CDK12: variants seen among roughly 807,000 people sequenced by gnomAD.
The protein encoded by CDK12 is cyclin-dependent kinase 12.
In CDK12, 17 loss-of-function variants were observed where a neutral mutation model predicts 133.8. The observed-to-expected ratio is 0.13, with a 90% CI of 0.09 to 0.19. The LOEUF (loss-of-function observed/expected upper bound fraction) is 0.19, where lower values mean the gene tolerates loss of function less well. Among genes scored for constraint, CDK12 ranks in the 10% least tolerant of loss-of-function variants. The pLI is 1.00. For missense variants in CDK12, 1,508 were observed against 1,818.7 expected (o/e 0.83, Z 3.11); for synonymous variants, 694 against 683.6 (o/e 1.02, Z -0.24).
In CDK12 at chr17:39,517,480, G is replaced by A; in HGVS notation, c.2887G>A (p.Val963Ile). The A allele has an allele frequency of 6.2e-7, 1 of 1,613,808 alleles. No individual in the cohort carries two copies. The highest frequency in any genetic ancestry group is 8.5e-7 in the Non-Finnish European group (1 of 1,179,726). ...CCCTTGTCCAGCTGTGTGGCCTGATGTTATCAAACTGCCCTACTTCAACAC... is the reference window on the plus strand; with the variant it reads ...CCCTTGTCCAGCTGTGTGGCCTGATATTATCAAACTGCCCTACTTCAACAC... Reference protein sequence around the residue: ...GSPCPAVWPDVIKLPYFNTMK... With the variant: ...GSPCPAVWPDIIKLPYFNTMK... The change falls in exon 10 of 14, where the codon GTT (valine) becomes ATT (isoleucine). Residue 963 changes from valine (V) to isoleucine (I), a missense_variant. Coordinates refer to ENST00000447079, the MANE Select transcript of CDK12 (RefSeq NM_016507.4).
chr17:39,489,553 G>A (rs925393370), intron 2 of CDK12, among the ~76,000 whole-genome samples: 1 of 145,904 alleles, frequency 6.9e-6, no homozygotes, highest in Non-Finnish European at 1.5e-5. Context: ...TGCCTGGGCT[G>A]GAGTGCAGTG....
At chr17:39,479,307 T>TG (rs1222800410) in intron 2 of CDK12, among the ~76,000 whole-genome samples, 5 of 56,054 alleles carry the variant, frequency 8.9e-5, no homozygotes, top group African/African-American at 2.2e-4. Flanking sequence ...AGACTCCGTC[T>TG]GAAAAAAAAA....
At chr17:39,480,006 C>T (rs2050511593) in intron 2 of CDK12, among the ~76,000 whole-genome samples, 1 of 151,526 alleles carries the variant, frequency 6.6e-6, no homozygotes, top group East Asian at 1.9e-4. Flanking sequence ...TGACTGCAAC[C>T]TCCACTTCCT....
Position 39,499,198 on chromosome 17 carries a change from T to C in CDK12, c.2420-2052T>C, listed in dbSNP as rs1249092325. The stretch of plus-strand genomic sequence containing the variant: ...TTCTTTCTTTCTTTCTTTCTTTCTT[T>C]CTTTCTTTCCTTTTTTTTTTTTTTT... On this transcript the variant is annotated intron_variant, in intron 5 of 13. Transcript: ENST00000447079. Among the ~76,000 whole-genome samples, 2 of 52,598 alleles carry C rather than the reference T, an allele frequency of 3.8e-5. 1 individual carries two copies. Among genetic ancestry groups the C allele is most frequent in the Non-Finnish European group, 6.5e-5 (2 of 30,868 alleles). The allele number at this position is 52,598 out of a possible 152,430, so 34.5% of individuals were successfully genotyped here.
At chr17:39,560,006 AG>A (rs1322337106) in intron 3 of CDK12, among the ~76,000 whole-genome samples, 1 of 152,116 alleles carries the variant, frequency 6.6e-6, no homozygotes, top group Non-Finnish European at 1.5e-5. Flanking sequence ...TATGTTGCCC[AG>A]GGTGGTCTCA....
At chr17:39,464,221 G>T (rs1241706717) in intron 1 of CDK12, among the ~76,000 whole-genome samples, 2 of 151,530 alleles carry the variant, frequency 1.3e-5, no homozygotes, top group Non-Finnish European at 2.9e-5. Context: ...ATTCATGCAT[G>T]ACTTTTTTTT....
At chr17:39,502,595 G>A (rs765745676) in intron 6 of CDK12, among the ~76,000 whole-genome samples, 7 of 152,170 alleles carry the variant, frequency 4.6e-5, no homozygotes, top group Non-Finnish European at 8.8e-5. Flanking sequence ...GCTCACATGC[G>A]ACGATTGAAC....
At chr17:39,545,720 G>A (rs1332441011), upstream of CDK12, among the ~76,000 whole-genome samples, 11 of 150,862 alleles carry the variant, frequency 7.3e-5, no homozygotes, top group East Asian at 2.1e-3. Context: ...GGCTGGTCTT[G>A]AACTCCTGAC....
chr17:39,464,234 TTTGAAA>T (rs1309463704), intron 1 of CDK12, among the ~76,000 whole-genome samples: 1 of 151,986 alleles, frequency 6.6e-6, no homozygotes, highest in African/African-American at 2.4e-5. Flanking sequence ...TTTTTTTTTT[TTTGAAA>T]GACAAGATCT....
downstream of CDK12, among the ~76,000 whole-genome samples, chr17:39,536,278 T>C (rs2055131725): frequency 6.6e-6 from 1 of 152,182 alleles, no homozygotes; most frequent in Admixed American, 6.5e-5. Context: ...CCCTACCAGG[T>C]ATTTAGAGTT....
chr17:39,468,695 G>A (rs1282200683), intron 1 of CDK12, among the ~76,000 whole-genome samples: 5 of 151,806 alleles, frequency 3.3e-5, no homozygotes, highest in South Asian at 2.1e-4. Flanking sequence ...GGCTGGTCTC[G>A]AACTCCCGAA....
intron 2 of CDK12, among the ~76,000 whole-genome samples, chr17:39,476,711 C>CATTTTTTTGTTTTTTTTTT (rs1555553398): frequency 1.2e-5 from 1 of 84,516 alleles, no homozygotes; most frequent in Non-Finnish European, 2.1e-5. Flanking sequence ...CCATGCCTGC[C>CATTTTTTTGTTTTTTTTTT]TTTTTTTTTT....
intron 1 of CDK12, among the ~76,000 whole-genome samples, chr17:39,469,769 C>T (rs2049642798): frequency 6.6e-6 from 1 of 151,650 alleles, no homozygotes; most frequent in Admixed American, 6.6e-5. Flanking sequence ...TCCCAAGTAG[C>T]TGGGATTACA....
At chr17:39,517,653 T>C in intron 10 of CDK12, 97 bp downstream of exon 10, 4 of 711,920 alleles carry the variant, frequency 5.6e-6, no homozygotes, top group Non-Finnish European at 1.0e-5. Context: ...TCCCAGTTTA[T>C]CATGGCAACA....
intron 2 of CDK12, among the ~76,000 whole-genome samples, chr17:39,473,279 G>A (rs1436083254): frequency 3.3e-5 from 5 of 151,898 alleles, no homozygotes; most frequent in East Asian, 3.9e-4. Context: ...TAAAAAAAAA[G>A]AAATTATTCC....
At chr17:39,509,635 C>G in intron 6 of CDK12, 70 bp from the exon 7 acceptor site, 1 of 986,318 alleles carries the variant, frequency 1.0e-6, no homozygotes, top group Non-Finnish European at 1.6e-6. Flanking sequence ...TAACTTGGCG[C>G]ATGACTTTTC....
At chr17:39,526,397 C>A in intron 13 of CDK12, 81 bp downstream of exon 13, 2 of 1,071,150 alleles carry the variant, frequency 1.9e-6, no homozygotes, top group Admixed American at 2.6e-5. Flanking sequence ...TTTTTTTCCC[C>A]CACATCAATG....
chr17:39,560,347 T>G (rs1358107887), intron 3 of CDK12, among the ~76,000 whole-genome samples: 1 of 152,234 alleles, frequency 6.6e-6, no homozygotes, highest in Non-Finnish European at 1.5e-5. Flanking sequence ...TTCTCTCACT[T>G]TGTACTCATT....
chr17:39,498,925 T>G (rs1165186039), intron 5 of CDK12, among the ~76,000 whole-genome samples: 2 of 6 alleles, frequency 0.33, 1 homozygote, highest in Non-Finnish European at 0.5. Flanking sequence ...CTTTCTTTCT[T>G]TCTTTCTTTC....
Sources: allele counts gnomAD v4.1 joint callset (sites outside exome capture counted in the v4.1 genomes callset), GRCh38; gene constraint gnomAD v4.1.1; transcripts MANE v1.5; gene names NCBI Gene and HGNC (gene_info 2026-07-23, HGNC 2026-07-21).